The following CNNM3 variants were observed in gnomAD, a reference collection of about 807,000 sequenced individuals.
The protein encoded by CNNM3 is cyclin and CBS domain divalent metal cation transport mediator 3.
Under a neutral mutation model 57.1 loss-of-function variants are expected in CNNM3, and 47 were observed. The ratio of observed to expected loss-of-function variants is 0.82; its 90% confidence interval spans 0.65 to 1.05. CNNM3 has a LOEUF of 1.05. CNNM3 is among the 50% of genes least tolerant of loss of function. The pLI, the probability that CNNM3 is intolerant of heterozygous loss-of-function variation, is 0.00. For synonymous variants in CNNM3, 507 were observed against 478.2 expected, an observed-to-expected ratio of 1.06 and a Z score of -0.79; for missense variants, 957 against 973.7, an observed-to-expected ratio of 0.98 and a Z score of 0.23.
rs776181884 is a variant in CNNM3 at position 96,826,906 on chromosome 2, C to T, written c.1443C>T (p.Phe481=). ...AGCGGAAGGAGGAGTTCTCCTTGTT[C>T]AAGGTGTCTGATGATGAATATAAAG... ...PLKRKEEFSL[F]KVSDDEYKVT... Residue 481 remains phenylalanine (F), a synonymous_variant, in exon 3 of 8, where the codon TTC becomes TTT. Coordinates refer to ENST00000305510, the MANE Select transcript of CNNM3 (RefSeq NM_017623.5). 6.2e-7 allele frequency: 1 copy of T among 1,614,212 alleles called. No homozygotes were observed. Among genetic ancestry groups the T allele is most frequent in the East Asian group, 2.2e-5 (1 of 44,890 alleles).
chr2:96,822,482 A>G (rs781424728), intron 1 of CNNM3, among the ~76,000 whole-genome samples: 2 of 151,918 alleles, frequency 1.3e-5, no homozygotes, highest in Non-Finnish European at 2.9e-5. Context: ...GCTAATTTTT[A>G]ATTTTATGTA....
rs2079479916 is a variant in CNNM3, at chr2:96,825,217, T to C, written c.1369+16T>C. On this transcript the variant is annotated intron_variant, in intron 2 of 7. Transcript: ENST00000305510. ...GAAGACTACCGTGAGTCCAGACTCT[T>C]GGCAGTTCTGTCTCCGCTGGGCCTG... 6 of 1,613,552 alleles carry C rather than the reference T, an allele frequency of 3.7e-6. No homozygotes were observed. In the East Asian group the frequency reaches 8.9e-5, roughly 24 times the overall value.
intron 2 of CNNM3, among the ~76,000 whole-genome samples, chr2:96,826,048 T>C (rs2079498379): frequency 6.6e-6 from 1 of 152,226 alleles, no homozygotes; most frequent in Non-Finnish European, 1.5e-5. Flanking sequence ...AGTATCGCTT[T>C]AATCATGCGT....
chr2:96,831,390 T>A (rs1307590891), intron 7 of CNNM3, among the ~76,000 whole-genome samples: 2 of 152,202 alleles, frequency 1.3e-5, no homozygotes, highest in Non-Finnish European at 2.9e-5. Flanking sequence ...TCTGGAGACC[T>A]TGGCACTAGA....
At chr2:96,828,793 C>T in intron 6 of CNNM3, 93 bp downstream of exon 6, 4 of 1,544,864 alleles carry the variant, frequency 2.6e-6, no homozygotes, top group Non-Finnish European at 3.5e-6. Flanking sequence ...CGGAACAAGG[C>T]CTTCCACTCA....
At position 96,832,747 on chromosome 2, in the gene CNNM3, C is replaced by T. The variant is rs779871247; in HGVS notation, c.*131C>T. On this transcript the variant is annotated 3_prime_UTR_variant, in exon 8 of 8. Transcript: ENST00000305510. ...ACGTTTTAGATGGCCCTTGTAGTTG[C>T]GGGTCCTGGGTGTCCTCAGAACTAG... is the stretch of plus-strand genomic sequence containing the variant. 3.5e-4 allele frequency: 546 copies of T among 1,539,544 alleles called. No homozygotes were observed. Among genetic ancestry groups the T allele is most frequent in the Middle Eastern group, 7.4e-4 (4 of 5,414 alleles).
In CNNM3 at chr2:96,829,036, G is replaced by C. The variant is rs149301704; in HGVS notation, c.1961G>C (p.Arg654Pro). ...LQYLNALLATRAQNLPQSPEN... is the reference protein window; with the variant it reads ...LQYLNALLATPAQNLPQSPEN... ...TACCTCAATGCACTCCTGGCTACCC[G>C]AGCCCAGAACCTGCCACAGTCCCCT... The change falls in exon 7 of 8, where the codon CGA (arginine) becomes CCA (proline). Residue 654 changes from arginine (R) to proline (P), a missense_variant. By Grantham distance (103) the Arg-to-Pro change is moderately radical. This residue lies in a region of CNNM3 where 491 missense variants were observed against 570.6 expected (regional missense o/e 0.86). Transcript: ENST00000305510. 5.0e-6 allele frequency: 8 copies of C among 1,613,750 alleles called. No individual in the cohort carries two copies. Among genetic ancestry groups the C allele is most frequent in the Non-Finnish European group, 5.9e-6 (7 of 1,179,994 alleles).
chr2:96,816,988 G>C lies in CNNM3; in HGVS notation c.711G>C (p.Glu237Asp). Residue 237 changes from glutamate to aspartate, a missense_variant, in exon 1 of 8, where the codon GAG (glutamate) becomes GAC (aspartate). Physicochemically the swap from Glu to Asp is conservative, Grantham distance 45. Around this residue, in one of 2 missense-constraint regions of CNNM3, gnomAD observed 466 missense variants for 403.1 expected, o/e 1.16. Coordinates refer to ENST00000305510, the MANE Select transcript of CNNM3 (RefSeq NM_017623.5). The stretch of plus-strand genomic sequence containing the variant: ...CGGGGCTCGTGTTCCTGGTGGGAGA[G>C]GTGGTGCCGGCCGCCGTGAGCGGGC... ...GSAGLVFLVGEVVPAAVSGRW... is the reference protein window; with the variant it reads ...GSAGLVFLVGDVVPAAVSGRW... The C allele has an allele frequency of 7.3e-7, 1 of 1,364,002 alleles. No individual in the cohort carries two copies. The highest frequency in any genetic ancestry group is 9.5e-7 in the Non-Finnish European group (1 of 1,052,538). The allele number at this position is 1,364,002 out of a possible 1,614,324, so 84.5% of individuals were successfully genotyped here.
At position 96,829,046 on chromosome 2, in the gene CNNM3, C is replaced by T; in HGVS notation, c.1971C>T (p.Asn657=). Residue 657 remains asparagine, a synonymous_variant, in exon 7 of 8, where the codon AAC becomes AAT. Coordinates refer to ENST00000305510, the MANE Select transcript of CNNM3 (RefSeq NM_017623.5). ...CACTCCTGGCTACCCGAGCCCAGAA[C>T]CTGCCACAGTCCCCTGAGAACACCG... ...LNALLATRAQ[N]LPQSPENTDL... is the part of the protein sequence containing the mutation. 6.2e-7 allele frequency: 1 copy of T among 1,614,072 alleles called. No homozygotes were observed. Among genetic ancestry groups the T allele is most frequent in the Non-Finnish European group, 8.5e-7 (1 of 1,180,030 alleles).
At chr2:96,832,291 G>A (rs1440284568) in intron 7 of CNNM3, 1 of 985,394 alleles carries the variant, frequency 1.0e-6, no homozygotes, top group Non-Finnish European at 1.2e-6. Flanking sequence ...GTCCCGGGAA[G>A]GTGCCTCTTG....
intron 2 of CNNM3, among the ~76,000 whole-genome samples, chr2:96,825,888 G>C (rs1036069830): frequency 2.6e-5 from 4 of 151,688 alleles, no homozygotes; most frequent in Non-Finnish European, 4.4e-5. Flanking sequence ...GAGACTGGAG[G>C]GGGTGGAAAT....
intron 1 of CNNM3, among the ~76,000 whole-genome samples, chr2:96,823,772 T>C (rs2079447910): frequency 6.6e-6 from 1 of 152,180 alleles, no homozygotes; most frequent in Admixed American, 6.5e-5. Flanking sequence ...CCCTCAGCGT[T>C]TCCACTAGTG....
chr2:96,820,711 G>A (rs1251150309), intron 1 of CNNM3, among the ~76,000 whole-genome samples: 2 of 152,218 alleles, frequency 1.3e-5, no homozygotes, highest in Non-Finnish European at 2.9e-5. Context: ...AGCCATTTGG[G>A]GAATGAATGA....
At chr2:96,821,367 ATC>A (rs1472920226) in intron 1 of CNNM3, among the ~76,000 whole-genome samples, 1 of 151,936 alleles carries the variant, frequency 6.6e-6, no homozygotes, top group East Asian at 1.9e-4. Context: ...TTCCCTTTCC[ATC>A]TCTCTGCCAA....
chr2:96,832,077 C>T, intron 7 of CNNM3: 3 of 992,766 alleles, frequency 3.0e-6, no homozygotes, highest in South Asian at 9.1e-5. Context: ...AGGTAAATAT[C>T]TTCCCTCTCC....
intron 2 of CNNM3, among the ~76,000 whole-genome samples, chr2:96,826,055 G>T (rs1017161770): frequency 6.6e-6 from 1 of 152,174 alleles, no homozygotes; most frequent in African/African-American, 2.4e-5. Context: ...CTTTAATCAT[G>T]CGTCGATTTT....
chr2:96,822,160 G>A (rs1321262538), intron 1 of CNNM3, among the ~76,000 whole-genome samples: 1 of 151,458 alleles, frequency 6.6e-6, no homozygotes, highest in African/African-American at 2.4e-5. Context: ...GCACCACCAC[G>A]CCCAGCTAAC....
rs1419161192 is a variant in CNNM3 at position 96,827,898 on chromosome 2, C to T, written c.1687C>T (p.Gln563Ter). 1.2e-6 allele frequency: 2 copies of T among 1,610,464 alleles called. No homozygotes were observed. Among genetic ancestry groups the T allele is most frequent in the Admixed American group, 1.7e-5 (1 of 59,890 alleles). ...GGTGGATTACTTCATTCTCATCCTGCAGGTAGCTGTGGGTCCCAGGCCTGG... is the reference window on the plus strand; with the variant it reads ...GGTGGATTACTTCATTCTCATCCTGTAGGTAGCTGTGGGTCCCAGGCCTGG... ...QPVDYFILILQGRVEVEIGKE... is the reference protein window; with the variant it reads ...QPVDYFILIL Residue 563 changes from glutamine to a stop codon, truncating the protein, a stop_gained and splice_region_variant, in exon 4 of 8, where the codon CAG becomes TAG. Transcript: ENST00000305510. LOFTEE classifies it high-confidence loss of function.
At chr2:96,826,777 G>C (rs1255599953) in intron 2 of CNNM3, 56 bp from the exon 3 acceptor site, 2 of 1,604,568 alleles carry the variant, frequency 1.2e-6, no homozygotes, top group African/African-American at 2.7e-5. Context: ...CCTTAGTGTG[G>C]TCGTGTTGAC....
Sources: allele counts gnomAD v4.1 joint callset (sites outside exome capture counted in the v4.1 genomes callset), GRCh38; gene constraint gnomAD v4.1.1; regional missense constraint gnomAD v4.1.1; transcripts MANE v1.5; gene names NCBI Gene and HGNC (gene_info 2026-07-23, HGNC 2026-07-21).